NRXN3: variants seen among roughly 807,000 people sequenced by gnomAD.
NRXN3 encodes neurexin III.
In NRXN3, 32 loss-of-function variants were observed where a neutral mutation model predicts 137.6. The observed-to-expected ratio is 0.23, with a 90% CI of 0.18 to 0.31. The LOEUF is 0.31. Ranked by LOEUF, NRXN3 falls within the 10% of genes least tolerant of loss-of-function variation. NRXN3 has a pLI of 1.00. For synonymous variants in NRXN3, 798 were observed against 784.5 expected (o/e 1.02, Z -0.29); for missense variants, 1,574 against 2,062.5 (o/e 0.76, Z 4.59).
intron 10 of NRXN3, among the ~76,000 whole-genome samples, chr14:78,912,967 C>G (rs1238834777): frequency 6.6e-6 from 1 of 152,064 alleles, no homozygotes; most frequent in Non-Finnish European, 1.5e-5. Context: ...ATTCCTTCAA[C>G]AAATATTTAT....
intron 8 of NRXN3, among the ~76,000 whole-genome samples, chr14:78,729,152 C>T (rs2098502291): frequency 6.6e-6 from 1 of 152,158 alleles, no homozygotes; most frequent in South Asian, 2.1e-4. Flanking sequence ...ATTTTTAGAG[C>T]AGATCTTATA....
intron 19 of NRXN3, among the ~76,000 whole-genome samples, chr14:79,742,048 G>T (rs574364507): frequency 1.7e-4 from 26 of 152,082 alleles, no homozygotes; most frequent in Admixed American, 1.3e-3. Flanking sequence ...TGAAACAGAG[G>T]GGAGCCTGAT....
Position 79,356,957 on chromosome 14 carries a change from A to G in NRXN3, c.3263-110264A>G, listed in dbSNP as rs892721443. 2.6e-5 allele frequency among the ~76,000 whole-genome samples: 4 copies of G among 152,144 alleles called. No individual in the cohort carries two copies. In the East Asian group the frequency reaches 7.7e-4, roughly 29 times the overall value. ...TGGCGAGGCTGGTCTCGAACTCCTC[A>G]CCTCAAGTGATCTGCCCACCTCGTC... is the stretch of plus-strand genomic sequence containing the variant. On this transcript the variant is annotated intron_variant, in intron 15 of 20. Coordinates refer to ENST00000335750, the MANE Select transcript of NRXN3 (RefSeq NM_001330195.2).
At chr14:78,767,405 G>A (rs2098712491) in intron 8 of NRXN3, among the ~76,000 whole-genome samples, 1 of 152,262 alleles carries the variant, frequency 6.6e-6, no homozygotes, top group Admixed American at 6.5e-5. Context: ...TTGGTTAAAA[G>A]CAAGTCACAG....
At chr14:79,110,400 G>A (rs1333317600) in intron 15 of NRXN3, among the ~76,000 whole-genome samples, 1 of 152,210 alleles carries the variant, frequency 6.6e-6, no homozygotes, top group African/African-American at 2.4e-5. Flanking sequence ...ATGATGTGCA[G>A]TAATAATGCT....
At chr14:79,543,541 A>T (rs1203425552) in intron 16 of NRXN3, among the ~76,000 whole-genome samples, 2 of 152,056 alleles carry the variant, frequency 1.3e-5, no homozygotes, top group East Asian at 3.9e-4. Flanking sequence ...TATCAGGGTG[A>T]TTGGGCTTGG....
intron 15 of NRXN3, among the ~76,000 whole-genome samples, chr14:79,159,500 A>C (rs904386783): frequency 6.6e-6 from 1 of 151,834 alleles, no homozygotes; most frequent in East Asian, 1.9e-4. Context: ...CTGCTAATTG[A>C]TAGTCCTCTC....
intron 16 of NRXN3, among the ~76,000 whole-genome samples, chr14:79,569,643 G>A (rs1011630345): frequency 6.7e-6 from 1 of 150,094 alleles, no homozygotes; most frequent in Non-Finnish European, 1.5e-5. Flanking sequence ...GAGAGAGAGA[G>A]AGAGAGACAG....
chr14:78,420,977 G>A (rs2093419096), intron 4 of NRXN3, among the ~76,000 whole-genome samples: 2 of 152,228 alleles, frequency 1.3e-5, no homozygotes, highest in Admixed American at 6.5e-5. Context: ...AGACAGCACA[G>A]CATGGGGACC....
chr14:79,439,143 A>G (rs934332914), intron 15 of NRXN3, among the ~76,000 whole-genome samples: 1 of 152,202 alleles, frequency 6.6e-6, no homozygotes, highest in African/African-American at 2.4e-5. Context: ...CCACCCACCA[A>G]AGAGAGTGTT....
intron 8 of NRXN3, among the ~76,000 whole-genome samples, chr14:78,738,577 G>C (rs2098551023): frequency 6.6e-6 from 1 of 152,138 alleles, no homozygotes; most frequent in Non-Finnish European, 1.5e-5. Context: ...TCAGCCATGG[G>C]AACTTCTTCC....
chr14:79,572,209 C>T (rs187331062), intron 16 of NRXN3, among the ~76,000 whole-genome samples: 3 of 152,284 alleles, frequency 2.0e-5, no homozygotes, highest in Admixed American at 6.5e-5. Flanking sequence ...GCACAACACA[C>T]ACACATTCTT....
chr14:79,001,934 GA>G (rs1347648924), intron 15 of NRXN3, among the ~76,000 whole-genome samples: 2 of 152,120 alleles, frequency 1.3e-5, no homozygotes, highest in African/African-American at 4.8e-5. Context: ...CCTTATGTTA[GA>G]AATGTAAAAC....
At chr14:79,387,461 T>C in intron 15 of NRXN3, among the ~76,000 whole-genome samples, 1 of 152,012 alleles carries the variant, frequency 6.6e-6, no homozygotes, top group Non-Finnish European at 1.5e-5. Context: ...CAACAGATGC[T>C]AGAGAGGATG....
chr14:78,992,403 C>T (rs550068475), intron 15 of NRXN3, among the ~76,000 whole-genome samples: 5 of 152,254 alleles, frequency 3.3e-5, no homozygotes, highest in African/African-American at 1.2e-4. Flanking sequence ...TTAAGAACAA[C>T]AAAAGAAATG....
chr14:78,184,674 G>T (rs897631312), intron 1 of NRXN3, among the ~76,000 whole-genome samples: 4 of 152,246 alleles, frequency 2.6e-5, no homozygotes, highest in Non-Finnish European at 4.4e-5. Flanking sequence ...ACTCCTTAGA[G>T]AGTGCATAGA....
At chr14:78,827,343 C>T (rs922242924) in intron 10 of NRXN3, among the ~76,000 whole-genome samples, 5 of 151,282 alleles carry the variant, frequency 3.3e-5, no homozygotes, top group Admixed American at 6.6e-5. Flanking sequence ...CAATGCTGTA[C>T]AAATAATTAA....
intron 8 of NRXN3, among the ~76,000 whole-genome samples, chr14:78,771,505 A>G (rs1451080830): frequency 6.6e-6 from 1 of 152,228 alleles, no homozygotes; most frequent in Non-Finnish European, 1.5e-5. Context: ...CAAGGTGCAG[A>G]GAAAGAAGAT....
chr14:78,973,299 GA>G (rs1324688225), intron 14 of NRXN3, among the ~76,000 whole-genome samples: 1 of 151,604 alleles, frequency 6.6e-6, no homozygotes, highest in African/African-American at 2.4e-5. Context: ...AACTTGGAAG[GA>G]AAAAAAAGGC....
Sources: gnomAD v4.1 joint callset for allele counts (sites outside exome capture counted in the v4.1 genomes callset) on GRCh38, gnomAD v4.1.1 for gene constraint, MANE v1.5 for transcripts, NCBI Gene and HGNC (gene_info 2026-07-23, HGNC 2026-07-21) for gene names.